The following ABCA12 variants were observed in gnomAD, a reference collection of about 807,000 sequenced individuals.
The protein encoded by ABCA12 is glucosylceramide transporter ABCA12.
A neutral mutation model predicts 293.5 loss-of-function variants in ABCA12; 156 were observed. The ratio of observed to expected loss-of-function variants is 0.53; its 90% CI spans 0.47 to 0.61. The LOEUF (loss-of-function observed/expected upper bound fraction) is 0.61, where lower values mean the gene tolerates loss of function less well. Ranked by LOEUF, ABCA12 falls within the 20% of genes least tolerant of loss-of-function variation. ABCA12 has a pLI of 0.00. For synonymous variants in ABCA12, 1,063 were observed against 1,108.0 expected (o/e 0.96, Z 0.81); for missense variants, 2,797 against 3,090.2 (o/e 0.91, Z 2.25).
intron 5 of ABCA12, among the ~76,000 whole-genome samples, chr2:215,051,390 T>C (rs939874071): frequency 2.0e-5 from 3 of 152,142 alleles, no homozygotes; most frequent in African/African-American, 7.2e-5. Context: ...TGCCATTTCC[T>C]GGAGTCCGCT....
rs1700370288 is a variant in ABCA12, at chr2:215,011,459, T to C, written c.2312A>G (p.Tyr771Cys). 6.2e-7 allele frequency: 1 copy of C among 1,613,476 alleles called. No individual in the cohort carries two copies. Residue 771 changes from tyrosine (Y) to cysteine (C), a missense_variant, in exon 17 of 53, where the codon TAT (tyrosine) becomes TGT (cysteine). By Grantham distance (194) the Tyr-to-Cys change is radical (BLOSUM62 -2). Coordinates refer to ENST00000272895, the MANE Select transcript of ABCA12 (RefSeq NM_173076.3). ...CTCACTGGAATTTATGGGAATTCCA[T>C]ATTTTGAAGCAATTTGCTCTTTAGT... Reference protein sequence around the residue: ...KLTKEQIASKYGIPINSTPFC... With the variant: ...KLTKEQIASKCGIPINSTPFC...
chr2:215,043,072 A>G (rs1701131489), intron 7 of ABCA12, among the ~76,000 whole-genome samples: 1 of 151,846 alleles, frequency 6.6e-6, no homozygotes, highest in African/African-American at 2.4e-5. Flanking sequence ...CCCTGCCAGC[A>G]TCTGTTATTG....
At chr2:215,075,572 A>AT in intron 2 of ABCA12, 1 of 699,962 alleles carries the variant, frequency 1.4e-6, no homozygotes, top group Non-Finnish European at 2.6e-6. Context: ...AAAAAAAAAA[A>AT]TCTGGGCCAT....
At chr2:214,974,401 T>C (rs1385531906) in intron 35 of ABCA12, among the ~76,000 whole-genome samples, 1 of 152,214 alleles carries the variant, frequency 6.6e-6, no homozygotes, top group Non-Finnish European at 1.5e-5. Context: ...GTATTAATAC[T>C]ATCTTAGATG....
At position 215,138,354 on chromosome 2, in the gene ABCA12, A is replaced by C. The variant is rs1443251952; in HGVS notation, c.-146T>G. ...CCTTGAGGGCTGGGGTAAGAAACCC[A>C]CAGTTCTTCTGTTTCTGCTGGATTT... On this transcript the variant is annotated 5_prime_UTR_variant, in exon 1 of 53. Transcript: ENST00000272895. 1.2e-6 allele frequency: 1 copy of C among 833,584 alleles called. No homozygotes were observed. Among genetic ancestry groups the C allele is most frequent in the East Asian group, 2.5e-5 (1 of 40,356 alleles). 51.6% of individuals were successfully genotyped at this position (833,584 alleles called of 1,614,324 possible).
chr2:215,008,979 T>C (rs765309964), intron 18 of ABCA12, among the ~76,000 whole-genome samples: 5 of 152,172 alleles, frequency 3.3e-5, no homozygotes, highest in African/African-American at 4.8e-5. Context: ...ACTGAGTATA[T>C]ATCCAAGGGA....
chr2:214,939,784 A>T (rs111317959), intron 50 of ABCA12, among the ~76,000 whole-genome samples: 91 of 152,248 alleles, frequency 6.0e-4, no homozygotes, highest in African/African-American at 2.1e-3. Flanking sequence ...GGTGTATAGG[A>T]ATGCTTGTGA....
chr2:214,950,030 T>C (rs1448466278), intron 45 of ABCA12, among the ~76,000 whole-genome samples: 1 of 152,200 alleles, frequency 6.6e-6, no homozygotes, highest in Non-Finnish European at 1.5e-5. Context: ...GATTGAAATA[T>C]ATTCAGGGGG....
rs896686220 is a variant in ABCA12 at position 215,010,453 on chromosome 2, G to C, written c.2350C>G (p.Leu784Val). ...GGCATGTTAATGATGTCTTTATAAA[G>C]GGAGAAGCAAAATGGTGCTGGAAGG... ...PINSTPFCFSLYKDIINMPAG... is the reference protein window; with the variant it reads ...PINSTPFCFSVYKDIINMPAG... Residue 784 changes from leucine (L) to valine (V), a missense_variant, in exon 18 of 53, where the codon CTT becomes GTT. Around this residue, in one of 3 missense-constraint regions of ABCA12, gnomAD observed 2,130 missense variants for 2,427.0 expected, o/e 0.88. Transcript: ENST00000272895. The C allele has an allele frequency of 1.9e-6, 3 of 1,613,544 alleles. No individual in the cohort carries two copies. Among genetic ancestry groups the C allele is most frequent in the Non-Finnish European group, 1.7e-6 (2 of 1,179,702 alleles).
chr2:215,071,517 G>C (rs1195830588), intron 2 of ABCA12, among the ~76,000 whole-genome samples: 1 of 152,138 alleles, frequency 6.6e-6, no homozygotes, highest in East Asian at 1.9e-4. Context: ...TCAGAATCTT[G>C]GAGGAGGAAA....
chr2:214,997,662 C>G, intron 23 of ABCA12, 33 bp downstream of exon 23: 1 of 1,452,224 alleles, frequency 6.9e-7, no homozygotes, highest in Non-Finnish European at 9.7e-7. Flanking sequence ...ATGAACAGGA[C>G]TTATTCATAA....
intron 35 of ABCA12, 26 bp from the exon 36 acceptor site, chr2:214,974,068 G>T: frequency 6.3e-7 from 1 of 1,590,412 alleles, no homozygotes; most frequent in Non-Finnish European, 8.6e-7. Context: ...ATATTGCTGT[G>T]AGGTGTGTAT....
At chr2:214,980,344 G>T in intron 31 of ABCA12, 139 bp downstream of exon 31, 1 of 1,234,552 alleles carries the variant, frequency 8.1e-7, no homozygotes, top group Non-Finnish European at 1.1e-6. Context: ...GGATTTCGAT[G>T]CTCACTCAAA....
At chr2:215,122,154 C>A (rs1260843866) in intron 1 of ABCA12, among the ~76,000 whole-genome samples, 2 of 152,180 alleles carry the variant, frequency 1.3e-5, no homozygotes, top group African/African-American at 2.4e-5. Flanking sequence ...CAATTAACTC[C>A]TCTATTGCTC....
chr2:215,067,616 T>C (rs1439894440), intron 2 of ABCA12, among the ~76,000 whole-genome samples: 5 of 152,092 alleles, frequency 3.3e-5, no homozygotes, highest in Non-Finnish European at 7.4e-5. Flanking sequence ...GATGTCAGCA[T>C]CATCTGGGAG....
chr2:214,989,414 G>C lies in ABCA12; in HGVS notation c.3744C>G (p.Thr1248=). The C allele has an allele frequency of 1.2e-6, 2 of 1,613,488 alleles. No homozygotes were observed. Among genetic ancestry groups the C allele is most frequent in the African/African-American group, 1.3e-5 (1 of 74,848 alleles). The part of the protein sequence containing the change: ...MYTSPVQDDT[T]SFGWLCCLIL... ...TTAGACAGCACAGCCAGCCAAATGA[G>C]GTGGTGTCATCCTGAACCGGGGAGG... Residue 1248 remains threonine (T), a synonymous_variant, in exon 26 of 53, where the codon ACC becomes ACG. Transcript: ENST00000272895.
At chr2:215,124,272 C>T (rs975801180) in intron 1 of ABCA12, among the ~76,000 whole-genome samples, 43 of 152,280 alleles carry the variant, frequency 2.8e-4, no homozygotes, top group Non-Finnish European at 2.6e-4. Context: ...CTTCTATAAA[C>T]GTGTGTGCAA....
rs2106073105 is a variant in ABCA12, at chr2:215,064,056, G to A, written c.317+10C>T. 1.2e-6 allele frequency: 2 copies of A among 1,612,418 alleles called. No individual in the cohort carries two copies. Among genetic ancestry groups the A allele is most frequent in the Non-Finnish European group, 1.7e-6 (2 of 1,178,838 alleles). ...CAGAACAATTGAACACACTTGAGAAGTGCCCCCACCTGTCTTTAAATAGTG... is the reference window on the plus strand; with the variant it reads ...CAGAACAATTGAACACACTTGAGAAATGCCCCCACCTGTCTTTAAATAGTG... On this transcript the variant is annotated intron_variant, in intron 3 of 52. Coordinates refer to ENST00000272895, the MANE Select transcript of ABCA12 (RefSeq NM_173076.3).
At chr2:215,017,940 TCAA>T (rs1211626072) in intron 14 of ABCA12, 65 bp downstream of exon 14, 1 of 1,607,482 alleles carries the variant, frequency 6.2e-7, no homozygotes, top group Non-Finnish European at 8.5e-7. Context: ...TGGTAAGCGC[TCAA>T]CAAATGCTAA....
Sources: allele counts gnomAD v4.1 joint callset (sites outside exome capture counted in the v4.1 genomes callset), GRCh38; gene constraint gnomAD v4.1.1; regional missense constraint gnomAD v4.1.1; transcripts MANE v1.5; gene names NCBI Gene and HGNC (gene_info 2026-07-23, HGNC 2026-07-21).